The following LHX6 variants were observed in gnomAD, a reference collection of about 807,000 sequenced individuals.
The protein encoded by LHX6 is LIM homeobox 6.
LHX6 carries 15 observed loss-of-function variants against 47.1 expected under a neutral mutation model. That is an observed-to-expected ratio of 0.32 (90% CI 0.21 to 0.49). The LOEUF (loss-of-function observed/expected upper bound fraction) is 0.49, where lower values mean the gene tolerates loss of function less well. Ranked by LOEUF, LHX6 falls within the 20% of genes least tolerant of loss-of-function variation. The pLI is 0.99. For synonymous variants in LHX6, 242 were observed against 233.5 expected, an observed-to-expected ratio of 1.04 and a Z score of -0.33; for missense variants, 404 against 539.6, an observed-to-expected ratio of 0.75 and a Z score of 2.49.
At position 122,226,241 on chromosome 9, in the gene LHX6, G is replaced by T; in HGVS notation, c.461+135C>A. 8.3e-7 allele frequency: 1 copy of T among 1,199,910 alleles called. No homozygotes were observed. The highest frequency in any genetic ancestry group is 1.1e-6 in the Non-Finnish European group (1 of 879,962). The allele number at this position is 1,199,910 out of a possible 1,614,324, so 74.3% of individuals were successfully genotyped here. On this transcript the variant is annotated intron_variant, in intron 4 of 9. Coordinates refer to ENST00000394319, the MANE Select transcript of LHX6 (RefSeq NM_014368.5). The surrounding 1 kb of genome is among the most constrained non-coding windows in gnomAD (Gnocchi z 6.5). ...CGCGCCGCTGAGCGCCGGCAGGTTG[G>T]ACCAGCGCTGCGCGCCGGAAGTGCA...
At chr9:122,216,687 T>A (rs145502121) in intron 5 of LHX6, among the ~76,000 whole-genome samples, 1 of 152,292 alleles carries the variant, frequency 6.6e-6, no homozygotes, top group African/African-American at 2.4e-5. Context: ...CCGGAGGGGA[T>A]GAGCCCCCAG....
rs999588618 is a variant in LHX6, at chr9:122,213,523, C to T, written c.1054+83G>A. 2.3e-6 allele frequency: 3 copies of T among 1,298,628 alleles called. No individual in the cohort carries two copies. Among genetic ancestry groups the T allele is most frequent in the African/African-American group, 1.5e-5 (1 of 67,568 alleles). The allele number at this position is 1,298,628 out of a possible 1,614,324, so 80.4% of individuals were successfully genotyped here. A position where few individuals can be genotyped will look rare whatever the true frequency, so the allele number is the denominator to read the frequency against. ...AGGCTCCCCAAGGCCCTCCACCCCA[C>T]GCCTCGGCCTCAGCCGCCCACGTGC... On this transcript the variant is annotated intron_variant, in intron 8 of 9. Coordinates refer to ENST00000394319, the MANE Select transcript of LHX6 (RefSeq NM_014368.5). This position sits in a 1 kb window ranked among gnomAD's most constrained non-coding sequence, Gnocchi z 5.5.
At position 122,227,442 on chromosome 9, in the gene LHX6, G is replaced by T; in HGVS notation, c.123C>A (p.Thr41=). The stretch of plus-strand genomic sequence containing the variant: ...GCGGCGCGGTCCCTTCAAGACAGCG[G>T]GTGGTCGCTTTGCAGCCGGACCCTG... The part of the protein sequence containing the change: ...AQPGSGCKAT[T]RCLEGTAPPA... Residue 41 remains threonine (T), a synonymous_variant, in exon 2 of 10, where the codon ACC becomes ACA. Transcript: ENST00000394319. 2 of 1,533,984 alleles carry T rather than the reference G, an allele frequency of 1.3e-6. No homozygotes were observed. Among genetic ancestry groups the T allele is most frequent in the Non-Finnish European group, 1.7e-6 (2 of 1,143,790 alleles).
At chr9:122,221,329 T>G (rs1830847188) in intron 4 of LHX6, 1 of 985,376 alleles carries the variant, frequency 1.0e-6, no homozygotes, top group African/African-American at 1.7e-5. Context: ...TCCCCCAACA[T>G]CTGTCCCCCA....
chr9:122,212,049 T>C (rs57755579), intron 8 of LHX6, among the ~76,000 whole-genome samples: 4,245 of 152,286 alleles, frequency 0.028, 181 homozygotes, highest in African/African-American at 0.094. Flanking sequence ...TCTGCACTCC[T>C]AGTTCTGCCA....
chr9:122,221,695 T>C (rs1830869019), intron 4 of LHX6: 1 of 985,242 alleles, frequency 1.0e-6, no homozygotes, highest in African/African-American at 1.7e-5. Flanking sequence ...GCCTCTGAGG[T>C]CACTCCTGCC....
intron 9 of LHX6, among the ~76,000 whole-genome samples, chr9:122,209,342 G>C (rs577092718): frequency 2.6e-5 from 4 of 152,250 alleles, no homozygotes; most frequent in Non-Finnish European, 5.9e-5. Flanking sequence ...CTTAAAGCTT[G>C]AGTAAAGGAA....
chr9:122,227,343 T>C, intron 2 of LHX6, 66 bp downstream of exon 2: 1 of 1,388,504 alleles, frequency 7.2e-7, no homozygotes, highest in Non-Finnish European at 9.5e-7. Context: ...CCGGAAAACC[T>C]GGCCAGGTCC....
rs772355603 is a variant in LHX6, at chr9:122,204,667, G to A, written c.*93C>T. Reference sequence around the variant, plus strand: ...GCGGACGGGGGTGGATGCGGAGGTGGGTGGACTCCTGGCCGCAGCTTGGAC... The same window carrying A: ...GCGGACGGGGGTGGATGCGGAGGTGAGTGGACTCCTGGCCGCAGCTTGGAC... On this transcript the variant is annotated 3_prime_UTR_variant, in exon 10 of 10. Coordinates refer to ENST00000394319, the MANE Select transcript of LHX6 (RefSeq NM_014368.5). 6.7e-7 allele frequency: 1 copy of A among 1,493,418 alleles called. No homozygotes were observed. Among genetic ancestry groups the A allele is most frequent in the East Asian group, 2.4e-5 (1 of 41,298 alleles). 92.5% of individuals were successfully genotyped at this position (1,493,418 alleles called of 1,614,324 possible). A position where few individuals can be genotyped will look rare whatever the true frequency, so the allele number is the denominator to read the frequency against.
chr9:122,217,014 G>A lies in LHX6; in HGVS notation c.682+54C>T. 1.3e-6 allele frequency: 2 copies of A among 1,482,448 alleles called. No individual in the cohort carries two copies. Among genetic ancestry groups the A allele is most frequent in the Non-Finnish European group, 1.9e-6 (2 of 1,067,382 alleles). 91.8% of individuals were successfully genotyped at this position (1,482,448 alleles called of 1,614,324 possible). The stretch of plus-strand genomic sequence containing the variant: ...GGTGGTTCCTGGGGTGCTGGGGTGG[G>A]GTGGGGTGGGAAAGGGCTGGGGGCA... On this transcript the variant is annotated intron_variant, in intron 5 of 9. Coordinates refer to ENST00000394319, the MANE Select transcript of LHX6 (RefSeq NM_014368.5). The surrounding 1 kb of genome is among the most constrained non-coding windows in gnomAD (Gnocchi z 4.9).
chr9:122,228,204 G>T, intron 1 of LHX6: 1 of 1,479,800 alleles, frequency 6.8e-7, no homozygotes, highest in Non-Finnish European at 9.1e-7. Flanking sequence ...GAAACCCGGA[G>T]CAAAAAGAGA....
At position 122,226,273 on chromosome 9, in the gene LHX6, AC is replaced by A; in HGVS notation, c.461+102del. The stretch of plus-strand genomic sequence containing the variant: ...GCTGCGCGCCGGAAGTGCACTCGGG[AC>A]GCCGGGGTTCTGGAGGAGAGACCAC... On this transcript the variant is annotated intron_variant, in intron 4 of 9. Coordinates refer to ENST00000394319, the MANE Select transcript of LHX6 (RefSeq NM_014368.5). The surrounding 1 kb of genome is among the most constrained non-coding windows in gnomAD (Gnocchi z 6.5). The A allele has an allele frequency of 7.0e-7, 1 of 1,425,772 alleles. No homozygotes were observed. The highest frequency in any genetic ancestry group is 1.4e-5 in the South Asian group (1 of 72,020). The allele number at this position is 1,425,772 out of a possible 1,614,324, so 88.3% of individuals were successfully genotyped here. A position where few individuals can be genotyped will look rare whatever the true frequency, so the allele number is the denominator to read the frequency against.
Position 122,227,499 on chromosome 9 carries a change from G to GGGGGGGGA in LHX6, c.85-20_85-19insTCCCCCCC. 1 of 656,284 alleles carries GGGGGGGGA rather than the reference G, an allele frequency of 1.5e-6. No homozygotes were observed. The highest frequency in any genetic ancestry group is 2.5e-6 in the Non-Finnish European group (1 of 401,594). 40.7% of individuals were successfully genotyped at this position (656,284 alleles called of 1,614,324 possible). A position where few individuals can be genotyped will look rare whatever the true frequency, so the allele number is the denominator to read the frequency against. On this transcript the variant is annotated intron_variant, in intron 1 of 9. Coordinates refer to ENST00000394319, the MANE Select transcript of LHX6 (RefSeq NM_014368.5). Reference sequence around the variant, plus strand: ...CCATCACCTGGGGGAGGGGGGGAGGGAACGCAGGCGGCGGCGGCTGCTGAA... The same window carrying GGGGGGGGA: ...CCATCACCTGGGGGAGGGGGGGAGGGGGGGGGGAAACGCAGGCGGCGGCGGCTGCTGAA...
rs747689757 is a variant in LHX6, at chr9:122,226,366, C to T, written c.461+10G>A. 3 of 1,606,534 alleles carry T rather than the reference C, an allele frequency of 1.9e-6. No individual in the cohort carries two copies. Among genetic ancestry groups the T allele is most frequent in the Non-Finnish European group, 1.7e-6 (2 of 1,175,836 alleles). ...TCGGCGACACTGCTGGCTCGGCGGCCGCAGCCTACCTGAAGTAGTCCATCT... is the reference window on the plus strand; with the variant it reads ...TCGGCGACACTGCTGGCTCGGCGGCTGCAGCCTACCTGAAGTAGTCCATCT... On this transcript the variant is annotated intron_variant, in intron 4 of 9. Coordinates refer to ENST00000394319, the MANE Select transcript of LHX6 (RefSeq NM_014368.5). The surrounding 1 kb of genome is among the most constrained non-coding windows in gnomAD (Gnocchi z 6.5).
At chr9:122,222,578 A>G (rs571371373) in intron 4 of LHX6, among the ~76,000 whole-genome samples, 28 of 152,204 alleles carry the variant, frequency 1.8e-4, no homozygotes, top group Non-Finnish European at 3.4e-4. Context: ...ACCTCTCCCA[A>G]CAATGCAAAT....
At chr9:122,208,707 G>A (rs1057459265) in intron 9 of LHX6, among the ~76,000 whole-genome samples, 10 of 151,870 alleles carry the variant, frequency 6.6e-5, no homozygotes, top group East Asian at 3.9e-4. Context: ...GGTGGTAGGC[G>A]CCTGTAATCC....
rs1004374568 is a variant in LHX6, at chr9:122,227,460, G to A, written c.105C>T (p.Ser35=). The A allele has an allele frequency of 1.0e-5, 15 of 1,477,952 alleles. No homozygotes were observed. Among genetic ancestry groups the A allele is most frequent in the Non-Finnish European group, 1.4e-5 (15 of 1,110,494 alleles). 91.6% of individuals were successfully genotyped at this position (1,477,952 alleles called of 1,614,324 possible). The change falls in exon 2 of 10, where the codon TCC becomes TCT. Residue 35 remains serine, a synonymous_variant. Coordinates refer to ENST00000394319, the MANE Select transcript of LHX6 (RefSeq NM_014368.5). ...ATDQVMAQPG[S]GCKATTRCLE... is the part of the protein sequence containing the mutation. Reference sequence around the variant, plus strand: ...GACAGCGGGTGGTCGCTTTGCAGCCGGACCCTGGCTGGGCCATCACCTGGG... The same window carrying A: ...GACAGCGGGTGGTCGCTTTGCAGCCAGACCCTGGCTGGGCCATCACCTGGG...
intron 1 of LHX6, chr9:122,227,816 T>A (rs1349165329): frequency 5.6e-6 from 2 of 359,666 alleles, no homozygotes; most frequent in South Asian, 5.2e-5. Context: ...TTAGAAATTG[T>A]CGTGAATGCC....
At position 122,214,326 on chromosome 9, in the gene LHX6, G is replaced by C; in HGVS notation, c.740C>G (p.Pro247Arg). ...GAAGGACGTCCGCGCGCGCTTGGCCGGCTTGGGTTGACTGTCCTGTTCCGA... is the reference window on the plus strand; with the variant it reads ...GAAGGACGTCCGCGCGCGCTTGGCCCGCTTGGGTTGACTGTCCTGTTCCGA... ...VPSEQDSQPK[P>R]AKRARTSFTA... Residue 247 changes from proline (P) to arginine (R), a missense_variant, in exon 6 of 10, where the codon CCG (proline) becomes CGG (arginine). This residue lies in a region of LHX6 where 43 missense variants were observed against 84.7 expected (regional missense o/e 0.51). Coordinates refer to ENST00000394319, the MANE Select transcript of LHX6 (RefSeq NM_014368.5). The surrounding 1 kb of genome is among the most constrained non-coding windows in gnomAD (Gnocchi z 4.6). The C allele has an allele frequency of 1.2e-6, 2 of 1,600,662 alleles. No homozygotes were observed. Among genetic ancestry groups the C allele is most frequent in the East Asian group, 2.3e-5 (1 of 43,024 alleles).
Sources: gnomAD v4.1 joint callset for allele counts (sites outside exome capture counted in the v4.1 genomes callset) on GRCh38, gnomAD v4.1.1 for gene constraint, gnomAD v4.1.1 regional missense constraint, Gnocchi (gnomAD v3.1) non-coding constraint, MANE v1.5 for transcripts, NCBI Gene and HGNC (gene_info 2026-07-23, HGNC 2026-07-21) for gene names.